The following SNX29 variants were observed in gnomAD, a reference collection of about 807,000 sequenced individuals.
The protein encoded by SNX29 is sorting nexin 29, also known as sorting nexin-29.
In SNX29, 78 loss-of-function variants were observed where a neutral mutation model predicts 102.1. That is an observed-to-expected ratio of 0.76 (90% CI 0.64 to 0.92). The LOEUF is 0.92. Among genes scored for constraint, SNX29 ranks in the 40% least tolerant of loss-of-function variants. The pLI is 0.00. For synonymous variants in SNX29, 580 were observed against 414.5 expected (o/e 1.40, Z -4.85); for missense variants, 1,280 against 1,061.7 (o/e 1.21, Z -2.86).
intron 4 of SNX29, chr16:12,038,579 C>A (rs562981594): frequency 1.3e-5 from 2 of 152,210 alleles, no homozygotes; most frequent in African/African-American, 4.8e-5. Flanking sequence ...AGGTGAGCTG[C>A]GCTTTAAATA....
intron 19 of SNX29, among the ~76,000 whole-genome samples, chr16:12,486,606 C>G (rs74012724): frequency 0.028 from 4,230 of 152,360 alleles, 202 homozygotes; most frequent in African/African-American, 0.095. Flanking sequence ...TGAGCACAGC[C>G]TATCCCACAA....
intron 18 of SNX29, among the ~76,000 whole-genome samples, chr16:12,468,844 T>G (rs560770309): frequency 9.8e-4 from 149 of 152,318 alleles, no homozygotes; most frequent in African/African-American, 3.3e-3. Flanking sequence ...CCAGTTCTCA[T>G]CATGTCTAAA....
At position 12,569,861 on chromosome 16, in the gene SNX29, G is replaced by A. The variant is rs888311734; in HGVS notation, c.*1232G>A. On this transcript the variant is annotated 3_prime_UTR_variant, in exon 21 of 21. Coordinates refer to ENST00000566228, the MANE Select transcript of SNX29 (RefSeq NM_032167.5). The stretch of plus-strand genomic sequence containing the variant: ...CTAACTAGGAAGGATGTCGTGAAAT[G>A]GACTATGCAAGAGTAAGTTTGTGTG... The A allele has an allele frequency of 2.6e-5, 6 of 231,130 alleles. No individual in the cohort carries two copies. The highest frequency in any genetic ancestry group is 1.8e-4 in the South Asian group (1 of 5,512). The allele number at this position is 231,130 out of a possible 1,614,324, so 14.3% of individuals were successfully genotyped here.
In SNX29 at chr16:12,571,829, C is replaced by T. The variant is rs1192795717; in HGVS notation, c.*3200C>T. On this transcript the variant is annotated 3_prime_UTR_variant, in exon 21 of 21. Coordinates refer to ENST00000566228, the MANE Select transcript of SNX29 (RefSeq NM_032167.5). ...GAAATTCCAGCTTCTTTGATTCCCA[C>T]TTAGCAGTATGCTCCAATCACGTTG... The T allele has an allele frequency of 9.6e-7, 1 of 1,044,046 alleles. No individual in the cohort carries two copies. The highest frequency in any genetic ancestry group is 1.2e-6 in the Non-Finnish European group (1 of 861,054). 64.7% of individuals were successfully genotyped at this position (1,044,046 alleles called of 1,614,324 possible). A position where few individuals can be genotyped will look rare whatever the true frequency, so the allele number is the denominator to read the frequency against.
intron 14 of SNX29, among the ~76,000 whole-genome samples, chr16:12,200,487 C>CTTT (rs35068951): frequency 4.0e-5 from 6 of 148,590 alleles, no homozygotes; most frequent in African/African-American, 1.2e-4. Context: ...ATTCACGTGT[C>CTTT]TTTTTTTTTT....
intron 13 of SNX29, among the ~76,000 whole-genome samples, chr16:12,185,326 T>C (rs1374415844): frequency 6.6e-6 from 1 of 152,194 alleles, no homozygotes; most frequent in Non-Finnish European, 1.5e-5. Context: ...CCAGCCCTGG[T>C]TGCTCTGAGG....
chr16:12,363,705 G>A (rs7184477), intron 16 of SNX29, among the ~76,000 whole-genome samples: 71,043 of 151,996 alleles, frequency 0.47, 17,461 homozygotes, highest in Non-Finnish European at 0.57. Flanking sequence ...ATGATAATTC[G>A]GAAAAAAGAG....
chr16:12,130,813 T>C (rs944650550), intron 13 of SNX29, among the ~76,000 whole-genome samples: 11 of 152,178 alleles, frequency 7.2e-5, no homozygotes, highest in Non-Finnish European at 1.5e-4. Context: ...ATTGCTCTCG[T>C]TGGTCTGCGT....
chr16:12,334,271 G>C (rs1052896557), intron 15 of SNX29, among the ~76,000 whole-genome samples: 1 of 152,126 alleles, frequency 6.6e-6, no homozygotes, highest in Non-Finnish European at 1.5e-5. Context: ...CTTAGCTTGG[G>C]GCAACTTTCA....
chr16:12,163,839 T>G (rs1474134817), intron 13 of SNX29, among the ~76,000 whole-genome samples: 2 of 152,164 alleles, frequency 1.3e-5, no homozygotes, highest in African/African-American at 4.8e-5. Flanking sequence ...ATGGTGGTAC[T>G]GTTCCGTGGT....
intron 16 of SNX29, among the ~76,000 whole-genome samples, chr16:12,367,939 C>A (rs569190341): frequency 6.6e-6 from 1 of 152,348 alleles, no homozygotes; most frequent in African/African-American, 2.4e-5. Flanking sequence ...GCTTGTGGAA[C>A]CCACTTTAAA....
At chr16:12,032,449 A>G (rs2057371224) in intron 4 of SNX29, among the ~76,000 whole-genome samples, 1 of 151,308 alleles carries the variant, frequency 6.6e-6, no homozygotes, top group Non-Finnish European at 1.5e-5. Context: ...CTTGTGATCC[A>G]CCCACCTCGG....
intron 3 of SNX29, among the ~76,000 whole-genome samples, chr16:12,008,269 AT>A (rs1037113262): frequency 1.4e-5 from 2 of 142,350 alleles, no homozygotes; most frequent in Non-Finnish European, 1.5e-5. Flanking sequence ...TTTCAAGGAA[AT>A]TTTTTTTTCT....
chr16:12,468,523 C>T (rs1031806388), intron 18 of SNX29, among the ~76,000 whole-genome samples: 3 of 152,004 alleles, frequency 2.0e-5, no homozygotes, highest in African/African-American at 7.2e-5. Context: ...CAACCCCACT[C>T]CCAGGCGTGG....
chr16:12,014,534 A>C (rs2056782874), intron 3 of SNX29, among the ~76,000 whole-genome samples: 3 of 151,890 alleles, frequency 2.0e-5, no homozygotes, highest in Admixed American at 2.0e-4. Context: ...GGAGTTGGAG[A>C]CCCGCCTGAC....
chr16:12,521,877 C>A (rs557142385), intron 19 of SNX29, among the ~76,000 whole-genome samples: 1 of 152,324 alleles, frequency 6.6e-6, no homozygotes, highest in Non-Finnish European at 1.5e-5. Context: ...CTCATTCGCA[C>A]ATAGCCCGCC....
chr16:12,268,464 T>A (rs887873825), intron 14 of SNX29, among the ~76,000 whole-genome samples: 2 of 152,336 alleles, frequency 1.3e-5, no homozygotes, highest in African/African-American at 4.8e-5. Context: ...TTTCTCCCTT[T>A]GCTACAGTGA....
chr16:12,185,930 T>C (rs1317878797), intron 13 of SNX29, among the ~76,000 whole-genome samples: 1 of 152,172 alleles, frequency 6.6e-6, no homozygotes, highest in African/African-American at 2.4e-5. Context: ...ACTCAAAGTG[T>C]TTCCTAGGTT....
chr16:12,570,763 T>C lies in SNX29; in HGVS notation c.*2134T>C, dbSNP rs1249971322. 1 of 201,816 alleles carries C rather than the reference T, an allele frequency of 5.0e-6. No individual in the cohort carries two copies. The highest frequency in any genetic ancestry group is 6.4e-5 in the East Asian group (1 of 15,612). The allele number at this position is 201,816 out of a possible 1,614,324, so 12.5% of individuals were successfully genotyped here. On this transcript the variant is annotated 3_prime_UTR_variant, in exon 21 of 21. Transcript: ENST00000566228. Reference sequence around the variant, plus strand: ...CCACGAGGAAGCACCTTGGACATTCTGCACATGATAATAATGCAACAGTCC... The same window carrying C: ...CCACGAGGAAGCACCTTGGACATTCCGCACATGATAATAATGCAACAGTCC...
Sources: gnomAD v4.1 joint callset for allele counts (sites outside exome capture counted in the v4.1 genomes callset) on GRCh38, gnomAD v4.1.1 for gene constraint, MANE v1.5 for transcripts, NCBI Gene and HGNC (gene_info 2026-07-23, HGNC 2026-07-21) for gene names.